The following CSMD1 variants were observed in gnomAD, a reference collection of about 807,000 sequenced individuals.
CSMD1 encodes CUB and sushi domain-containing protein 1.
CSMD1 carries 213 observed loss-of-function variants against 417.5 expected under a neutral mutation model. The observed-to-expected ratio is 0.51, with a 90% CI of 0.46 to 0.57. The LOEUF is 0.57. Ranked by LOEUF, CSMD1 falls within the 20% of genes least tolerant of loss-of-function variation. The pLI, the probability that CSMD1 is intolerant of heterozygous loss-of-function variation, is 0.00. For synonymous variants in CSMD1, 2,862 were observed against 1,736.8 expected, an observed-to-expected ratio of 1.65 and a Z score of -16.11; for missense variants, 6,923 against 4,529.7, an observed-to-expected ratio of 1.53 and a Z score of -15.17.
intron 5 of CSMD1, among the ~76,000 whole-genome samples, chr8:3,794,158 C>G (rs1426178170): frequency 6.6e-6 from 1 of 152,154 alleles, no homozygotes; most frequent in Admixed American, 6.6e-5. Context: ...ATTATCCCAG[C>G]AAATGACTTT....
intron 5 of CSMD1, among the ~76,000 whole-genome samples, chr8:3,939,215 T>C (rs897068556): frequency 3.9e-5 from 6 of 152,008 alleles, no homozygotes; most frequent in Non-Finnish European, 7.4e-5. Context: ...AAGTAATTCA[T>C]CACGAATAAA....
intron 5 of CSMD1, among the ~76,000 whole-genome samples, chr8:3,944,043 G>C (rs1438500137): frequency 6.6e-6 from 1 of 152,096 alleles, no homozygotes; most frequent in Non-Finnish European, 1.5e-5. Context: ...GAAAGAACAT[G>C]TTCTTGTTTT....
intron 50 of CSMD1, among the ~76,000 whole-genome samples, chr8:3,037,822 G>C (rs1050592973): frequency 6.6e-6 from 1 of 152,092 alleles, no homozygotes; most frequent in Non-Finnish European, 1.5e-5. Flanking sequence ...TAGCTTTTTA[G>C]AAACATTAGA....
intron 3 of CSMD1, among the ~76,000 whole-genome samples, chr8:4,165,286 C>T (rs773790870): frequency 1.3e-5 from 2 of 152,240 alleles, no homozygotes; most frequent in Non-Finnish European, 2.9e-5. Flanking sequence ...TGTTGATCCA[C>T]TCGGTTAAGT....
At chr8:4,021,198 G>T (rs1029582893) in intron 4 of CSMD1, among the ~76,000 whole-genome samples, 2 of 152,162 alleles carry the variant, frequency 1.3e-5, no homozygotes, top group African/African-American at 4.8e-5. Flanking sequence ...TGGCATAACT[G>T]AAATACACAT....
chr8:3,797,452 G>A lies in CSMD1; in HGVS notation c.819-43410C>T, dbSNP rs564893785. ...CAGTTTCCATCCCTTCCCTCCACAGGCAACTTTTCTGGTTTTATTACCATA... is the reference window on the plus strand; with the variant it reads ...CAGTTTCCATCCCTTCCCTCCACAGACAACTTTTCTGGTTTTATTACCATA... On this transcript the variant is annotated intron_variant, in intron 5 of 69. Transcript: ENST00000635120. Among the ~76,000 whole-genome samples, 392 of 151,722 alleles carry A rather than the reference G, an allele frequency of 2.6e-3. 2 individuals carry two copies. The highest frequency in any genetic ancestry group is 9.2e-3 in the African/African-American group (380 of 41,428).
At chr8:4,187,490 A>C (rs926367218) in intron 3 of CSMD1, among the ~76,000 whole-genome samples, 20 of 152,036 alleles carry the variant, frequency 1.3e-4, no homozygotes, top group African/African-American at 4.6e-4. Flanking sequence ...CTAAAAATAC[A>C]AAAAATCAGC....
chr8:4,032,763 C>T (rs142847413), intron 3 of CSMD1, among the ~76,000 whole-genome samples: 2 of 152,148 alleles, frequency 1.3e-5, no homozygotes, highest in Non-Finnish European at 2.9e-5. Flanking sequence ...AACAGAAATA[C>T]TGAATTCACT....
At chr8:3,665,461 G>A (rs144999396) in intron 7 of CSMD1, among the ~76,000 whole-genome samples, 196 of 152,200 alleles carry the variant, frequency 1.3e-3, no homozygotes, top group Middle Eastern at 3.4e-3. Context: ...CCCGGGAGAC[G>A]GAGGTTGCAG....
chr8:4,729,271 C>G (rs1308930715), intron 1 of CSMD1, among the ~76,000 whole-genome samples: 1 of 151,952 alleles, frequency 6.6e-6, no homozygotes, highest in Non-Finnish European at 1.5e-5. Flanking sequence ...GAATAAAAAC[C>G]CGATCATTAT....
intron 3 of CSMD1, among the ~76,000 whole-genome samples, chr8:4,218,162 G>C (rs753732534): frequency 6.6e-6 from 1 of 152,184 alleles, no homozygotes; most frequent in Non-Finnish European, 1.5e-5. Flanking sequence ...GAACGTTCTA[G>C]TAATGGAACA....
intron 1 of CSMD1, among the ~76,000 whole-genome samples, chr8:4,693,652 T>C (rs1057304071): frequency 2.6e-5 from 4 of 152,236 alleles, no homozygotes; most frequent in African/African-American, 9.6e-5. Flanking sequence ...TCTTTCATTT[T>C]AGTATTCATT....
At chr8:4,109,799 A>C (rs747046835) in intron 3 of CSMD1, among the ~76,000 whole-genome samples, 1 of 152,196 alleles carries the variant, frequency 6.6e-6, no homozygotes, top group Non-Finnish European at 1.5e-5. Flanking sequence ...TGAGAGACTA[A>C]ACAAAAAGGG....
At chr8:3,105,011 T>G (rs1033401851) in intron 46 of CSMD1, among the ~76,000 whole-genome samples, 1 of 152,238 alleles carries the variant, frequency 6.6e-6, no homozygotes, top group Admixed American at 6.5e-5. Flanking sequence ...CGGCCAGTTA[T>G]CAGACCTTTG....
At chr8:4,798,010 G>A (rs1043844422) in intron 1 of CSMD1, among the ~76,000 whole-genome samples, 2 of 152,182 alleles carry the variant, frequency 1.3e-5, no homozygotes, top group South Asian at 4.1e-4. Flanking sequence ...AAATCTCGAA[G>A]CATTTTTATT....
chr8:4,543,236 C>A (rs926902320), intron 2 of CSMD1, among the ~76,000 whole-genome samples: 1 of 152,112 alleles, frequency 6.6e-6, no homozygotes, highest in African/African-American at 2.4e-5. Context: ...ATGCATCCAC[C>A]ATTACAGAAT....
chr8:4,391,242 A>G (rs1240386687), intron 3 of CSMD1, among the ~76,000 whole-genome samples: 1 of 152,136 alleles, frequency 6.6e-6, no homozygotes, highest in Non-Finnish European at 1.5e-5. Context: ...AAAGACAGCC[A>G]CCATAACTCC....
intron 2 of CSMD1, among the ~76,000 whole-genome samples, chr8:4,430,317 T>C (rs1291955059): frequency 3.3e-5 from 5 of 152,206 alleles, no homozygotes. Context: ...CCACTGCATA[T>C]TGCTTTAACT....
At chr8:3,663,284 G>A (rs1226860195) in intron 7 of CSMD1, among the ~76,000 whole-genome samples, 3 of 152,176 alleles carry the variant, frequency 2.0e-5, no homozygotes, top group Non-Finnish European at 4.4e-5. Flanking sequence ...CTGACAGACA[G>A]GGGTGGGATG....
Sources: allele counts gnomAD v4.1 joint callset (sites outside exome capture counted in the v4.1 genomes callset), GRCh38; gene constraint gnomAD v4.1.1; transcripts MANE v1.5; gene names NCBI Gene and HGNC (gene_info 2026-07-23, HGNC 2026-07-21).